The following TACC2 variants were observed in gnomAD, a reference collection of about 807,000 sequenced individuals.
The protein encoded by TACC2 is transforming acidic coiled-coil containing protein 2, also known as transforming acidic coiled-coil-containing protein 2.
In TACC2, 137 loss-of-function variants were observed where a neutral mutation model predicts 227.3. The observed-to-expected ratio is 0.60, with a 90% CI of 0.52 to 0.69. The LOEUF (loss-of-function observed/expected upper bound fraction) is 0.69. Ranked by LOEUF, TACC2 falls within the 30% of genes least tolerant of loss-of-function variation. The pLI is 0.00. For synonymous variants in TACC2, 1,523 were observed against 1,487.5 expected (o/e 1.02, Z -0.55); for missense variants, 3,470 against 3,694.4 (o/e 0.94, Z 1.57).
Position 122,211,176 on chromosome 10 carries a change from G to A in TACC2, c.6751G>A (p.Gly2251Arg), listed in dbSNP as rs114482287. The A allele has an allele frequency of 4.3e-5, 69 of 1,612,362 alleles. No individual in the cohort carries two copies. Among genetic ancestry groups the A allele is most frequent in the African/African-American group, 3.7e-4 (28 of 74,954 alleles). The change falls in exon 9 of 23, where the codon GGG becomes AGG. Residue 2251 changes from glycine to arginine, a missense_variant. By Grantham distance (125) the Gly-to-Arg change is moderately radical (BLOSUM62 -2). Transcript: ENST00000369005. Reference protein sequence around the residue: ...EAGEVTPSDSGGQEDSPAKGL... With the variant: ...EAGEVTPSDSRGQEDSPAKGL... ...AGGGGAGGTAACCCCATCGGATAGC[G>A]GGGGGCAAGAGGACTCTCCAGCCAA...
rs1014801562 is a variant in TACC2 at position 122,209,872 on chromosome 10, A to G, written c.5972-525A>G. The G allele has an allele frequency of 1.3e-5, 2 of 157,290 alleles. No individual in the cohort carries two copies. Among genetic ancestry groups the G allele is most frequent in the Non-Finnish European group, 2.8e-5 (2 of 71,060 alleles). The allele number at this position is 157,290 out of a possible 1,614,324, so 9.7% of individuals were successfully genotyped here. A position where few individuals can be genotyped will look rare whatever the true frequency, so the allele number is the denominator to read the frequency against. On this transcript the variant is annotated intron_variant, in intron 8 of 22. Transcript: ENST00000369005. This position sits in a 1 kb window ranked among gnomAD's most constrained non-coding sequence, Gnocchi z 4.5. ...GCCTGGCTAATTTTTGTGTTTTTTT[A>G]GTAGAGACTGGGTTTCACCATGATG...
At chr10:122,145,036 G>C (rs577595687) in intron 7 of TACC2, among the ~76,000 whole-genome samples, 1 of 152,326 alleles carries the variant, frequency 6.6e-6, no homozygotes, top group East Asian at 1.9e-4. Context: ...AACACCCTTG[G>C]TTTGCCTTGG....
rs570530902 is a variant in TACC2 at position 122,084,733 on chromosome 10, A to G, written c.2233A>G (p.Arg745Gly). The G allele has an allele frequency of 6.2e-7, 1 of 1,613,644 alleles. No individual in the cohort carries two copies. Among genetic ancestry groups the G allele is most frequent in the Non-Finnish European group, 8.5e-7 (1 of 1,180,028 alleles). The change falls in exon 4 of 23, where the codon AGG (arginine) becomes GGG (glycine). Residue 745 changes from arginine (R) to glycine (G), a missense_variant. Arg to Gly is a moderately radical substitution (Grantham distance 125, BLOSUM62 -2). Coordinates refer to ENST00000369005, the MANE Select transcript of TACC2 (RefSeq NM_206862.4). ...AQEGESTLEI[R>G]KMGSCDGEGL... ...GGAAGGTGAGAGCACATTGGAAATA[A>G]GGAAGATGGGCAGCTGTGATGGGGA...
At chr10:122,252,606 T>C (rs58272806) in intron 22 of TACC2, among the ~76,000 whole-genome samples, 8,683 of 151,910 alleles carry the variant, frequency 0.057, 804 homozygotes, top group African/African-American at 0.19. Flanking sequence ...TTCTCCTGCC[T>C]CAGCTTCCCT....
intron 5 of TACC2, among the ~76,000 whole-genome samples, chr10:122,132,064 GAAA>G (rs72074453): frequency 4.2e-5 from 2 of 47,434 alleles, no homozygotes; most frequent in Admixed American, 3.0e-4. Context: ...AAGAAAGAAA[GAAA>G]AAGAAAGAAA....
chr10:122,050,186 G>T lies in TACC2; in HGVS notation c.34-252G>T, dbSNP rs933727979. 1.4e-4 allele frequency among the ~76,000 whole-genome samples: 21 copies of T among 152,170 alleles called. No homozygotes were observed. Among genetic ancestry groups the T allele is most frequent in the African/African-American group, 5.1e-4 (21 of 41,434 alleles). ...CCCCAGTTTTGGTTTTTCTACTAAA[G>T]CATTCAGTTGGAACTGCTTGTTTGA... On this transcript the variant is annotated intron_variant, in intron 2 of 22. Transcript: ENST00000369005. This position sits in a 1 kb window ranked among gnomAD's most constrained non-coding sequence, Gnocchi z 4.6.
Position 122,082,992 on chromosome 10 carries a change from C to T in TACC2, c.492C>T (p.Tyr164=). The T allele has an allele frequency of 6.2e-7, 1 of 1,612,782 alleles. No homozygotes were observed. Among genetic ancestry groups the T allele is most frequent in the Non-Finnish European group, 8.5e-7 (1 of 1,180,016 alleles). ...FPAERDSSTP[Y]QEIAAVPSAG... is the part of the protein sequence containing the mutation. ...CTGAGAGGGACAGCTCTACTCCATACCAAGAGATTGCTGCCGTCCCCAGTG... is the reference window on the plus strand; with the variant it reads ...CTGAGAGGGACAGCTCTACTCCATATCAAGAGATTGCTGCCGTCCCCAGTG... Residue 164 remains tyrosine (Y), a synonymous_variant, in exon 4 of 23, where the codon TAC becomes TAT. Coordinates refer to ENST00000369005, the MANE Select transcript of TACC2 (RefSeq NM_206862.4).
chr10:122,083,374 C>T lies in TACC2; in HGVS notation c.874C>T (p.Gln292Ter). 6.2e-7 allele frequency: 1 copy of T among 1,613,918 alleles called. No individual in the cohort carries two copies. Among genetic ancestry groups the T allele is most frequent in the Non-Finnish European group, 8.5e-7 (1 of 1,180,000 alleles). The change falls in exon 4 of 23, where the codon CAA becomes TAA. Residue 292 changes from glutamine (Q) to a stop codon, truncating the protein, a stop_gained. Coordinates refer to ENST00000369005, the MANE Select transcript of TACC2 (RefSeq NM_206862.4). LOFTEE classifies it high-confidence loss of function. ...AAGAGCCTCAGACAGAGAAAGAGGC[C>T]AAGGGGAGGCGCCGCCTCAGTATTT... The part of the protein sequence containing the change: ...APRASDRERG[Q>*]GEAPPQYLTD...
At chr10:122,026,713 G>T (rs1364929117) in intron 2 of TACC2, among the ~76,000 whole-genome samples, 1 of 152,046 alleles carries the variant, frequency 6.6e-6, no homozygotes, top group East Asian at 1.9e-4. Flanking sequence ...AATGTCATAC[G>T]GTTGGATCCT....
In TACC2 at chr10:122,223,284, C is replaced by A. The variant is rs931385534; in HGVS notation, c.7547-1442C>A. ...TTCCTGACCTCAAATGATCCGCCAG[C>A]CTCAGCTTCCCAAAGTGCTGGGATT... On this transcript the variant is annotated intron_variant, in intron 11 of 22. Transcript: ENST00000369005. Among the ~76,000 whole-genome samples, 3 of 152,196 alleles carry A rather than the reference C, an allele frequency of 2.0e-5. No homozygotes were observed. In the South Asian group the frequency reaches 6.2e-4, roughly 32 times the overall value.
Position 122,224,805 on chromosome 10 carries a change from G to T in TACC2, c.7608+18G>T. 1 of 1,608,496 alleles carries T rather than the reference G, an allele frequency of 6.2e-7. No individual in the cohort carries two copies. ...CCTTACCTGTAAGTTCGTCTGCCTC[G>T]GGCCACTTAGGGGACTCGCTTTCCT... is the stretch of plus-strand genomic sequence containing the variant. On this transcript the variant is annotated intron_variant, in intron 12 of 22. Coordinates refer to ENST00000369005, the MANE Select transcript of TACC2 (RefSeq NM_206862.4).
At chr10:122,217,346 C>T (rs564895985) in intron 11 of TACC2, among the ~76,000 whole-genome samples, 2 of 152,090 alleles carry the variant, frequency 1.3e-5, no homozygotes, top group Non-Finnish European at 2.9e-5. Context: ...CAGAAATGGG[C>T]AGAAATGGGC....
chr10:122,117,984 G>C (rs2085016098), intron 5 of TACC2, among the ~76,000 whole-genome samples: 1 of 151,554 alleles, frequency 6.6e-6, no homozygotes, highest in African/African-American at 2.4e-5. Context: ...AACAGGAAAA[G>C]ATTGAACATT....
intron 7 of TACC2, among the ~76,000 whole-genome samples, chr10:122,191,198 G>A (rs187283065): frequency 2.0e-5 from 3 of 152,004 alleles, no homozygotes; most frequent in Admixed American, 6.6e-5. Flanking sequence ...GCTTGCTGCA[G>A]TCTCAAACTC....
At chr10:122,056,654 G>A (rs1489250647) in intron 3 of TACC2, among the ~76,000 whole-genome samples, 2 of 152,194 alleles carry the variant, frequency 1.3e-5, no homozygotes, top group African/African-American at 2.4e-5. Context: ...TGGCAGGGGT[G>A]GAGGGAGCTT....
chr10:122,019,791 C>G (rs1957114595), intron 1 of TACC2: 1 of 152,258 alleles, frequency 6.6e-6, no homozygotes, highest in Non-Finnish European at 1.5e-5. Flanking sequence ...TTAGAACTCG[C>G]GCAATTCTGA....
intron 7 of TACC2, chr10:122,192,732 G>C (rs1225886815): frequency 4.4e-6 from 2 of 456,740 alleles, no homozygotes; most frequent in Admixed American, 2.3e-5. Context: ...CCCGGTGGAT[G>C]TGGACAGCGG....
chr10:122,140,804 G>A (rs562346671), intron 6 of TACC2, among the ~76,000 whole-genome samples: 10 of 152,298 alleles, frequency 6.6e-5, no homozygotes, highest in South Asian at 6.2e-4. Context: ...CTGCTTACTC[G>A]CTTTGCTTGA....
At chr10:122,226,588 G>A (rs2095633405) in intron 13 of TACC2, 107 bp downstream of exon 13, 5 of 776,270 alleles carry the variant, frequency 6.4e-6, no homozygotes, top group Non-Finnish European at 1.0e-5. Context: ...AGATTCAGGC[G>A]GCTGACATGC....
Sources: gnomAD v4.1 joint callset for allele counts (sites outside exome capture counted in the v4.1 genomes callset) on GRCh38, gnomAD v4.1.1 for gene constraint, Gnocchi (gnomAD v3.1) non-coding constraint, MANE v1.5 for transcripts, NCBI Gene and HGNC (gene_info 2026-07-23, HGNC 2026-07-21) for gene names.